Variants in XRCC2 observed in about 807,000 individuals in gnomAD.
XRCC2 encodes the protein X-ray repair cross complementing 2.
Under a neutral mutation model 27.3 loss-of-function variants are expected in XRCC2, and 24 were observed. The ratio of observed to expected loss-of-function variants is 0.88; its 90% CI spans 0.64 to 1.24. The LOEUF (loss-of-function observed/expected upper bound fraction) is 1.24. XRCC2 is among the 50% of genes most tolerant of loss of function. The probability of loss-of-function intolerance (pLI) is 0.00; values close to 1 mark genes in which losing one functional copy is unlikely to be tolerated. For missense variants in XRCC2, 321 were observed against 325.8 expected (o/e 0.99, Z 0.11); for synonymous variants, 106 against 115.4 (o/e 0.92, Z 0.52).
intron 2 of XRCC2, among the ~76,000 whole-genome samples, chr7:152,650,338 C>T (rs1590130239): frequency 6.6e-6 from 1 of 152,312 alleles, no homozygotes; most frequent in South Asian, 2.1e-4. Context: ...AAATTATTTT[C>T]CTAGCATTAA....
At chr7:152,668,799 C>G (rs192431559) in intron 1 of XRCC2, among the ~76,000 whole-genome samples, 193 of 152,260 alleles carry the variant, frequency 1.3e-3, no homozygotes, top group African/African-American at 4.5e-3. Context: ...TCAGCATCTG[C>G]TAAGTTCTAT....
chr7:152,667,057 T>C (rs1363159725), intron 1 of XRCC2, among the ~76,000 whole-genome samples: 2 of 152,170 alleles, frequency 1.3e-5, no homozygotes, highest in Admixed American at 6.6e-5. Flanking sequence ...TACTGTCATT[T>C]CTCAAAACAC....
At chr7:152,654,737 A>C (rs1238536593) in intron 2 of XRCC2, among the ~76,000 whole-genome samples, 1 of 152,206 alleles carries the variant, frequency 6.6e-6, no homozygotes, top group African/African-American at 2.4e-5. Context: ...AAGAAGTTGA[A>C]GGTTAAATCC....
intron 1 of XRCC2, among the ~76,000 whole-genome samples, chr7:152,667,164 T>C (rs2098036125): frequency 6.6e-6 from 1 of 151,616 alleles, no homozygotes. Context: ...CCCAGCACTT[T>C]GGGAGTGCCA....
intron 1 of XRCC2, among the ~76,000 whole-genome samples, chr7:152,673,738 T>A (rs1411889876): frequency 2.0e-5 from 3 of 152,174 alleles, no homozygotes; most frequent in Admixed American, 6.6e-5. Flanking sequence ...TAGCCGGGCA[T>A]GGTGGCGTGC....
intron 1 of XRCC2, among the ~76,000 whole-genome samples, chr7:152,661,960 T>TTATC (rs2098033304): frequency 6.6e-6 from 1 of 152,168 alleles, no homozygotes; most frequent in African/African-American, 2.4e-5. Context: ...ACCTGGCATA[T>TTATC]TATCCACTTC....
intron 1 of XRCC2, among the ~76,000 whole-genome samples, chr7:152,673,800 C>T (rs1306324193): frequency 2.6e-5 from 4 of 151,984 alleles, no homozygotes; most frequent in South Asian, 4.1e-4. Flanking sequence ...TGCTGGAACC[C>T]GGGAGGCAGA....
intron 1 of XRCC2, among the ~76,000 whole-genome samples, chr7:152,665,228 T>G (rs1027952745): frequency 1.1e-4 from 17 of 152,224 alleles, no homozygotes; most frequent in African/African-American, 3.4e-4. Context: ...AATCTACTTC[T>G]GTCTTGGCTG....
intron 1 of XRCC2, among the ~76,000 whole-genome samples, chr7:152,667,976 C>T (rs547459380): frequency 1.3e-5 from 2 of 148,372 alleles, no homozygotes; most frequent in African/African-American, 2.5e-5. Flanking sequence ...TGCAGTGAGC[C>T]GAGATCACAC....
intron 1 of XRCC2, among the ~76,000 whole-genome samples, chr7:152,665,863 A>C (rs1168407298): frequency 6.6e-6 from 1 of 152,188 alleles, no homozygotes; most frequent in East Asian, 1.9e-4. Context: ...ACAGTAACCA[A>C]GAAGAATATC....
intron 2 of XRCC2, among the ~76,000 whole-genome samples, chr7:152,660,150 G>GATTACTGGGGAACATGGGGAAC (rs1477616588): frequency 5.1e-4 from 78 of 152,176 alleles, no homozygotes; most frequent in African/African-American, 1.8e-3. Context: ...GAACATGGGA[G>GATTACTGGGGAACATGGGGAAC]ATGATGATTA....
At chr7:152,657,767 T>C (rs2098031309) in intron 2 of XRCC2, among the ~76,000 whole-genome samples, 1 of 152,196 alleles carries the variant, frequency 6.6e-6, no homozygotes, top group South Asian at 2.1e-4. Context: ...ATTATGATCT[T>C]ACTTGTAATC....
Position 152,644,943 on chromosome 7 carries a change from GAGATGATTCTGATGATTC to G in XRCC2, c.*3681_*3698del, listed in dbSNP as rs1387292044. 2 of 151,898 alleles carry G rather than the reference GAGATGATTCTGATGATTC, an allele frequency of 1.3e-5. No homozygotes were observed. The highest frequency in any genetic ancestry group is 2.9e-5 in the Non-Finnish European group (2 of 68,034). The allele number at this position is 151,898 out of a possible 1,614,324, so 9.4% of individuals were successfully genotyped here. ...TTCGATGAGTCCGATTTTTCTGAAA[GAGATGATTCTGATGATTC>G]AGATGATTCTGATGTTAGTTCTGTT... On this transcript the variant is annotated 3_prime_UTR_variant, in exon 3 of 3. Coordinates refer to ENST00000359321, the MANE Select transcript of XRCC2 (RefSeq NM_005431.2).
chr7:152,673,841 A>T (rs2098039218), intron 1 of XRCC2, among the ~76,000 whole-genome samples: 1 of 152,150 alleles, frequency 6.6e-6, no homozygotes, highest in Non-Finnish European at 1.5e-5. Context: ...GCGCCACTGC[A>T]CTCCAGCCTG....
At chr7:152,655,970 CTG>C (rs1755701586) in intron 2 of XRCC2, among the ~76,000 whole-genome samples, 1 of 152,094 alleles carries the variant, frequency 6.6e-6, no homozygotes, top group African/African-American at 2.4e-5. Context: ...GAGTGAGACT[CTG>C]TGTCAAAACA....
intron 2 of XRCC2, among the ~76,000 whole-genome samples, chr7:152,655,380 G>A (rs2098030279): frequency 6.6e-6 from 1 of 152,146 alleles, no homozygotes; most frequent in Non-Finnish European, 1.5e-5. Context: ...ATTGGTACAT[G>A]GTACTGAATA....
At chr7:152,674,022 G>A (rs2098039280) in intron 1 of XRCC2, among the ~76,000 whole-genome samples, 1 of 152,126 alleles carries the variant, frequency 6.6e-6, no homozygotes, top group South Asian at 2.1e-4. Context: ...ATTTGGCAGT[G>A]GCCACATAGT....
At chr7:152,667,196 T>C (rs3094405) in intron 1 of XRCC2, among the ~76,000 whole-genome samples, 128,889 of 151,290 alleles carry the variant, frequency 0.85, 55,330 homozygotes, top group Non-Finnish European at 0.91. Flanking sequence ...TCACCTGAGA[T>C]TGGGAGTTCG....
Position 152,646,051 on chromosome 7 carries a change from T to TA in XRCC2, c.*2590_*2591insT, listed in dbSNP as rs2098025694. 1 of 152,244 alleles carries TA rather than the reference T, an allele frequency of 6.6e-6. No homozygotes were observed. Among genetic ancestry groups the TA allele is most frequent in the South Asian group, 2.1e-4 (1 of 4,828 alleles). 9.4% of individuals were successfully genotyped at this position (152,244 alleles called of 1,614,324 possible). A position where few individuals can be genotyped will look rare whatever the true frequency, so the allele number is the denominator to read the frequency against. On this transcript the variant is annotated 3_prime_UTR_variant, in exon 3 of 3. Transcript: ENST00000359321. Reference sequence around the variant, plus strand: ...TACACCATCTCCTCTGTGCTTTGGATCTGTCCTGCTGTATTCGGTTCTTTT... The same window carrying TA: ...TACACCATCTCCTCTGTGCTTTGGATACTGTCCTGCTGTATTCGGTTCTTTT...
Sources: gnomAD v4.1 joint callset for allele counts (sites outside exome capture counted in the v4.1 genomes callset) on GRCh38, gnomAD v4.1.1 for gene constraint, MANE v1.5 for transcripts, NCBI Gene and HGNC (gene_info 2026-07-23, HGNC 2026-07-21) for gene names.